The following ST8SIA1 variants were observed in gnomAD, a reference collection of about 807,000 sequenced individuals.
ST8SIA1 encodes ST8 alpha-N-acetyl-neuraminide alpha-2,8-sialyltransferase 1.
ST8SIA1 carries 16 observed loss-of-function variants against 35.9 expected under a neutral mutation model. That is an observed-to-expected ratio of 0.45 (90% CI 0.30 to 0.68). The LOEUF is 0.68. Among genes scored for constraint, ST8SIA1 ranks in the 30% least tolerant of loss-of-function variants. The pLI, the probability that ST8SIA1 is intolerant of heterozygous loss-of-function variation, is 0.09. For missense variants in ST8SIA1, 383 were observed against 453.6 expected, an observed-to-expected ratio of 0.84 and a Z score of 1.41; for synonymous variants, 170 against 169.6, an observed-to-expected ratio of 1.00 and a Z score of -0.02.
At chr12:22,261,552 AGAT>A (rs1250837484) in intron 2 of ST8SIA1, among the ~76,000 whole-genome samples, 1 of 152,212 alleles carries the variant, frequency 6.6e-6, no homozygotes, top group Admixed American at 6.5e-5. Flanking sequence ...AGTACAGATG[AGAT>A]GATCAACAAA....
chr12:22,193,663 C>T lies in ST8SIA1; in HGVS notation c.*7889G>A, dbSNP rs147563751. On this transcript the variant is annotated 3_prime_UTR_variant, in exon 5 of 5. Coordinates refer to ENST00000396037, the MANE Select transcript of ST8SIA1 (RefSeq NM_003034.4). Reference sequence around the variant, plus strand: ...CAATTAAAGTTTTCTTTTTTACCTGCAACATTTTAGATGAAACTCTACAAA... The same window carrying T: ...CAATTAAAGTTTTCTTTTTTACCTGTAACATTTTAGATGAAACTCTACAAA... The T allele has an allele frequency of 6.6e-6, 1 of 152,122 alleles. No individual in the cohort carries two copies. Among genetic ancestry groups the T allele is most frequent in the African/African-American group, 2.4e-5 (1 of 41,426 alleles). The allele number at this position is 152,122 out of a possible 1,614,324, so 9.4% of individuals were successfully genotyped here.
At chr12:22,254,562 C>T (rs967058879) in intron 3 of ST8SIA1, among the ~76,000 whole-genome samples, 33 of 152,370 alleles carry the variant, frequency 2.2e-4, no homozygotes, top group African/African-American at 6.7e-4. Context: ...TATCCAATCA[C>T]TTGCTGTCTC....
At chr12:22,252,435 A>T (rs17703173) in intron 3 of ST8SIA1, among the ~76,000 whole-genome samples, 177 of 152,372 alleles carry the variant, frequency 1.2e-3, no homozygotes, top group Non-Finnish European at 1.9e-3. Context: ...AAATGGTCAA[A>T]TAATTTTGAA....
chr12:22,280,266 AC>A (rs1290840684), intron 2 of ST8SIA1, among the ~76,000 whole-genome samples: 1 of 152,184 alleles, frequency 6.6e-6, no homozygotes, highest in African/African-American at 2.4e-5. Flanking sequence ...CTACACTTGG[AC>A]CTTTGTAAGA....
chr12:22,259,164 G>A (rs888222888), intron 2 of ST8SIA1, among the ~76,000 whole-genome samples: 15 of 152,014 alleles, frequency 9.9e-5, no homozygotes, highest in Admixed American at 2.6e-4. Context: ...TGTAGAACAC[G>A]GTAAAACAGT....
rs1036657972 is a variant in ST8SIA1 at position 22,196,929 on chromosome 12, G to T, written c.*4623C>A. On this transcript the variant is annotated 3_prime_UTR_variant, in exon 5 of 5. Transcript: ENST00000396037. Reference sequence around the variant, plus strand: ...GGCAGCTCTCCTGGGAGAGGACAGAGACTGACGGTGCTAAAAAGCCAAGGT... The same window carrying T: ...GGCAGCTCTCCTGGGAGAGGACAGATACTGACGGTGCTAAAAAGCCAAGGT... 6.6e-6 allele frequency: 1 copy of T among 152,218 alleles called. No homozygotes were observed. Among genetic ancestry groups the T allele is most frequent in the African/African-American group, 2.4e-5 (1 of 41,434 alleles). 9.4% of individuals were successfully genotyped at this position (152,218 alleles called of 1,614,324 possible).
intron 1 of ST8SIA1, among the ~76,000 whole-genome samples, chr12:22,322,149 C>G (rs946926115): frequency 1.3e-5 from 2 of 152,180 alleles, no homozygotes; most frequent in African/African-American, 2.4e-5. Flanking sequence ...GAGATTTGGG[C>G]CCTTTATGGA....
At chr12:22,259,641 T>C (rs961366668) in intron 2 of ST8SIA1, among the ~76,000 whole-genome samples, 1 of 152,060 alleles carries the variant, frequency 6.6e-6, no homozygotes, top group Non-Finnish European at 1.5e-5. Flanking sequence ...AATTTTTTTG[T>C]ATTTTTAGTA....
chr12:22,289,527 C>T (rs1285669220), intron 1 of ST8SIA1, among the ~76,000 whole-genome samples: 1 of 152,146 alleles, frequency 6.6e-6, no homozygotes, highest in African/African-American at 2.4e-5. Context: ...ACACCAGGTG[C>T]CTTCATAGGT....
chr12:22,287,464 A>G (rs1409863288), intron 1 of ST8SIA1, among the ~76,000 whole-genome samples, 171 bp from the exon 2 acceptor site: 1 of 149,424 alleles, frequency 6.7e-6, no homozygotes, highest in African/African-American at 2.5e-5. Flanking sequence ...AGCCACCAAA[A>G]TGCGTGACTA....
chr12:22,277,729 C>T (rs1442554440), intron 2 of ST8SIA1, among the ~76,000 whole-genome samples: 1 of 151,976 alleles, frequency 6.6e-6, no homozygotes, highest in Non-Finnish European at 1.5e-5. Context: ...TTGACTTAAC[C>T]CAGTGGCAGT....
At chr12:22,221,263 G>C (rs56375744) in intron 4 of ST8SIA1, among the ~76,000 whole-genome samples, 2 of 152,004 alleles carry the variant, frequency 1.3e-5, no homozygotes, top group Non-Finnish European at 2.9e-5. Flanking sequence ...AGAAGAAAGG[G>C]AAAAAAGAGA....
intron 1 of ST8SIA1, among the ~76,000 whole-genome samples, chr12:22,307,965 T>A (rs752825688): frequency 9.9e-5 from 15 of 152,034 alleles, no homozygotes; most frequent in Non-Finnish European, 1.8e-4. Context: ...GAAAAAAAAA[T>A]TTATTTTGAG....
intron 1 of ST8SIA1, among the ~76,000 whole-genome samples, chr12:22,322,842 C>T (rs569634267): frequency 2.0e-5 from 3 of 152,244 alleles, no homozygotes; most frequent in South Asian, 2.1e-4. Flanking sequence ...ATGCTGAAGA[C>T]GTTTAATTTT....
chr12:22,254,017 G>A (rs1298514099), intron 3 of ST8SIA1, among the ~76,000 whole-genome samples: 1 of 152,046 alleles, frequency 6.6e-6, no homozygotes, highest in African/African-American at 2.4e-5. Context: ...CTCCTAGACT[G>A]TTACTCGTTT....
chr12:22,325,596 A>C, intron 1 of ST8SIA1: 7 of 650,304 alleles, frequency 1.1e-5, no homozygotes, highest in Non-Finnish European at 1.7e-5. Flanking sequence ...GAAACTAGGA[A>C]TCTCCTCTTA....
chr12:22,286,235 T>C (rs1182072611), intron 2 of ST8SIA1, among the ~76,000 whole-genome samples: 1 of 152,186 alleles, frequency 6.6e-6, no homozygotes, highest in African/African-American at 2.4e-5. Context: ...GACTAAAATA[T>C]CTAAGGATGA....
intron 4 of ST8SIA1, 178 bp downstream of exon 4, chr12:22,248,828 T>C (rs143702668): frequency 2.2e-4 from 118 of 531,406 alleles, no homozygotes; most frequent in African/African-American, 1.9e-3. Flanking sequence ...GCATAAAATA[T>C]TGTTTGGATT....
chr12:22,222,234 G>GGGCA (rs1318760820), intron 4 of ST8SIA1, among the ~76,000 whole-genome samples: 8 of 152,128 alleles, frequency 5.3e-5, no homozygotes, highest in Non-Finnish European at 1.0e-4. Flanking sequence ...TAATGAGGTA[G>GGGCA]GGCAGTCAAA....
Sources: gnomAD v4.1 joint callset for allele counts (sites outside exome capture counted in the v4.1 genomes callset) on GRCh38, gnomAD v4.1.1 for gene constraint, MANE v1.5 for transcripts, NCBI Gene and HGNC (gene_info 2026-07-23, HGNC 2026-07-21) for gene names.